The following NUSAP1 variants were observed in gnomAD, a reference collection of about 807,000 sequenced individuals.
The protein encoded by NUSAP1 is nucleolar and spindle associated protein 1.
In NUSAP1, 32 loss-of-function variants were observed where a neutral mutation model predicts 52.8. The observed-to-expected ratio is 0.61, with a 90% CI of 0.46 to 0.81. The LOEUF is 0.81. Among genes scored for constraint, NUSAP1 ranks in the 40% least tolerant of loss-of-function variants. The pLI is 0.00. For synonymous variants in NUSAP1, 195 were observed against 183.1 expected, an observed-to-expected ratio of 1.06 and a Z score of -0.52; for missense variants, 499 against 522.3, an observed-to-expected ratio of 0.96 and a Z score of 0.43.
At chr15:41,375,642 C>T (rs2049898914) in intron 8 of NUSAP1, 70 bp from the exon 9 acceptor site, 2 of 1,004,676 alleles carry the variant, frequency 2.0e-6, no homozygotes, top group African/African-American at 1.6e-5. Flanking sequence ...TGAGAAGTAA[C>T]ACTTTGATAA....
chr15:41,354,514 A>AT (rs1348607020), intron 4 of NUSAP1, among the ~76,000 whole-genome samples: 1 of 151,946 alleles, frequency 6.6e-6, no homozygotes, highest in East Asian at 1.9e-4. Flanking sequence ...AAACAAACAA[A>AT]TGACAACAAC....
At chr15:41,360,072 C>T (rs1595571264) in intron 6 of NUSAP1, among the ~76,000 whole-genome samples, 1 of 151,888 alleles carries the variant, frequency 6.6e-6, no homozygotes, top group South Asian at 2.1e-4. Context: ...GATTATTTTG[C>T]CTCAGCCTCC....
In NUSAP1 at chr15:41,365,243, G is replaced by A. The variant is rs1010381790; in HGVS notation, c.661-159G>A. ...GTGATCTCGGCTCACTGCAACCTCCGCCTCCTGGGTTCAAGTGATTCTCCC... is the reference window on the plus strand; with the variant it reads ...GTGATCTCGGCTCACTGCAACCTCCACCTCCTGGGTTCAAGTGATTCTCCC... On this transcript the variant is annotated intron_variant, in intron 6 of 10. Coordinates refer to ENST00000559596, the MANE Select transcript of NUSAP1 (RefSeq NM_016359.5). Among the ~76,000 whole-genome samples the A allele has an allele frequency of 8.0e-5, 12 of 149,822 alleles. No homozygotes were observed. The South Asian group carries it at 8.5e-4, about 11-fold the overall frequency.
At chr15:41,346,473 T>C (rs185493745) in intron 2 of NUSAP1, among the ~76,000 whole-genome samples, 2 of 152,088 alleles carry the variant, frequency 1.3e-5, no homozygotes, top group African/African-American at 4.8e-5. Context: ...TTGTTACTTT[T>C]TAAGAAATTT....
chr15:41,335,602 T>C (rs979259838), intron 1 of NUSAP1, among the ~76,000 whole-genome samples: 9 of 138,626 alleles, frequency 6.5e-5, no homozygotes, highest in Admixed American at 1.5e-4. Context: ...TAAATATAAA[T>C]ACTATACTTA....
intron 1 of NUSAP1, among the ~76,000 whole-genome samples, chr15:41,336,999 CTTTTTTTT>C (rs201223527): frequency 1.4e-4 from 9 of 65,826 alleles, no homozygotes; most frequent in Admixed American, 2.1e-4. Context: ...CTTTCCTTTT[CTTTTTTTT>C]TTTTTTTTTT....
chr15:41,335,224 C>T (rs1355005624), intron 1 of NUSAP1, among the ~76,000 whole-genome samples: 3 of 147,698 alleles, frequency 2.0e-5, no homozygotes, highest in Non-Finnish European at 3.0e-5. Context: ...CATAAATATA[C>T]TAGTATAATT....
chr15:41,367,460 T>C (rs1003290473), intron 7 of NUSAP1, among the ~76,000 whole-genome samples: 1 of 152,176 alleles, frequency 6.6e-6, no homozygotes, highest in Admixed American at 6.6e-5. Context: ...AGAATGAATA[T>C]TGAGCCCTAG....
chr15:41,350,463 T>C (rs752470312), intron 3 of NUSAP1, among the ~76,000 whole-genome samples: 4 of 151,874 alleles, frequency 2.6e-5, no homozygotes, highest in Non-Finnish European at 5.9e-5. Flanking sequence ...CTTTTTTTTT[T>C]CTTTCAACCT....
At position 41,378,944 on chromosome 15, in the gene NUSAP1, G is replaced by GTTTTGTTTTTTTTTTTT; in HGVS notation, c.1233-1145_1233-1144insGTTTTTTTTTTTTTTTT. Among the ~76,000 whole-genome samples the GTTTTGTTTTTTTTTTTT allele has an allele frequency of 4.4e-4, 28 of 63,260 alleles. 1 individual carries two copies. The highest frequency in any genetic ancestry group is 1.9e-3 in the African/African-American group (27 of 14,274). The allele number at this position is 63,260 out of a possible 152,430, so 41.5% of individuals were successfully genotyped here. On this transcript the variant is annotated intron_variant, in intron 10 of 10. Transcript: ENST00000559596. Reference sequence around the variant, plus strand: ...CCCAAGATTATATTAACTTATCTTGGTTTTTTTTTTTTTTTTTTTTTTTTT... The same window carrying GTTTTGTTTTTTTTTTTT: ...CCCAAGATTATATTAACTTATCTTGGTTTTGTTTTTTTTTTTTTTTTTTTTTTTTTTTTTTTTTTTTT...
At chr15:41,335,628 A>T (rs1309368581) in intron 1 of NUSAP1, among the ~76,000 whole-genome samples, 1 of 139,404 alleles carries the variant, frequency 7.2e-6, no homozygotes, top group East Asian at 2.0e-4. Flanking sequence ...CTATATACTA[A>T]ATATACTATA....
chr15:41,353,505 C>T (rs796390863), intron 4 of NUSAP1, among the ~76,000 whole-genome samples: 2 of 152,158 alleles, frequency 1.3e-5, no homozygotes, highest in African/African-American at 4.8e-5. Flanking sequence ...AAGCAGAAGC[C>T]CCTGCGACCA....
At chr15:41,333,288 T>C (rs2047989703) in intron 1 of NUSAP1, among the ~76,000 whole-genome samples, 1 of 152,192 alleles carries the variant, frequency 6.6e-6, no homozygotes, top group Admixed American at 6.5e-5. Context: ...TAAGCTCTAT[T>C]CCGAGGGATG....
At chr15:41,375,931 T>C in intron 9 of NUSAP1, 103 bp downstream of exon 9, 1 of 726,276 alleles carries the variant, frequency 1.4e-6, no homozygotes, top group African/African-American at 1.7e-5. Flanking sequence ...CCAGGCGTGG[T>C]GGCAGGCACC....
intron 7 of NUSAP1, among the ~76,000 whole-genome samples, chr15:41,366,318 T>C (rs1189379747): frequency 6.8e-6 from 1 of 147,546 alleles, no homozygotes; most frequent in Non-Finnish European, 1.5e-5. Context: ...TCATTCAGAG[T>C]CTCACTCCAT....
chr15:41,380,838 G>A lies in NUSAP1; in HGVS notation c.*652G>A, dbSNP rs2050178641. 1 of 152,116 alleles carries A rather than the reference G, an allele frequency of 6.6e-6. No homozygotes were observed. Among genetic ancestry groups the A allele is most frequent in the African/African-American group, 2.4e-5 (1 of 41,408 alleles). The allele number at this position is 152,116 out of a possible 1,614,324, so 9.4% of individuals were successfully genotyped here. A position where few individuals can be genotyped will look rare whatever the true frequency, so the allele number is the denominator to read the frequency against. The stretch of plus-strand genomic sequence containing the variant: ...AAAAGCTACATAGCCCTATCGAAAT[G>A]CGAGGATTAATGCTTTAATGCTTTT... On this transcript the variant is annotated 3_prime_UTR_variant, in exon 11 of 11. Transcript: ENST00000559596.
chr15:41,356,491 A>T (rs911917046), intron 5 of NUSAP1, among the ~76,000 whole-genome samples: 2 of 151,146 alleles, frequency 1.3e-5, no homozygotes, highest in Non-Finnish European at 2.9e-5. Flanking sequence ...AGTAGCTGGG[A>T]CTACAGGTGT....
chr15:41,354,511 CAAAT>C (rs1389627523), intron 4 of NUSAP1, among the ~76,000 whole-genome samples: 1 of 151,526 alleles, frequency 6.6e-6, no homozygotes, highest in African/African-American at 2.4e-5. Context: ...TCAAAACAAA[CAAAT>C]GACAACAACC....
At chr15:41,351,765 C>T (rs1481099716) in intron 4 of NUSAP1, among the ~76,000 whole-genome samples, 1 of 152,060 alleles carries the variant, frequency 6.6e-6, no homozygotes, top group Non-Finnish European at 1.5e-5. Context: ...CCAGCATGGA[C>T]AGAGTGAGAC....
Sources: allele counts gnomAD v4.1 joint callset (sites outside exome capture counted in the v4.1 genomes callset), GRCh38; gene constraint gnomAD v4.1.1; transcripts MANE v1.5; gene names NCBI Gene and HGNC (gene_info 2026-07-23, HGNC 2026-07-21).